The following FAM228A variants were observed in gnomAD, a reference collection of about 807,000 sequenced individuals.
FAM228A encodes the protein family with sequence similarity 228 member A.
In FAM228A, 13 loss-of-function variants were observed where a neutral mutation model predicts 18.6. The observed-to-expected ratio is 0.70, with a 90% CI of 0.45 to 1.11. FAM228A has a LOEUF of 1.11. Among genes scored for constraint, FAM228A ranks in the 50% least tolerant of loss-of-function variants. The pLI is 0.00. For synonymous variants in FAM228A, 77 were observed against 86.6 expected, an observed-to-expected ratio of 0.89 and a Z score of 0.61; for missense variants, 240 against 242.2, an observed-to-expected ratio of 0.99 and a Z score of 0.06.
At chr2:24,177,099 T>C (rs886387733) in intron 2 of FAM228A, among the ~76,000 whole-genome samples, 1 of 152,216 alleles carries the variant, frequency 6.6e-6, no homozygotes, top group African/African-American at 2.4e-5. Context: ...GGTTTTTGAC[T>C]TATGAAGAGA....
rs577851822 is a variant in FAM228A, at chr2:24,175,408, G to C, written c.-14-59G>C. 2.4e-6 allele frequency: 3 copies of C among 1,244,510 alleles called. No individual in the cohort carries two copies. The Admixed American group carries it at 5.1e-5, about 21-fold the overall frequency. 77.1% of individuals were successfully genotyped at this position (1,244,510 alleles called of 1,614,324 possible). ...GATTTGAACACTCCCTGAGCCCAAA[G>C]GCCTGGCTCTCAACGGTAACCGTCT... On this transcript the variant is annotated intron_variant, in intron 1 of 5. Transcript: ENST00000295150.
At chr2:24,189,925 G>T (rs1372728474) in intron 5 of FAM228A, among the ~76,000 whole-genome samples, 1 of 152,072 alleles carries the variant, frequency 6.6e-6, no homozygotes, top group African/African-American at 2.4e-5. Flanking sequence ...CGGACTGGGA[G>T]GCTGGAGCCA....
At position 24,190,989 on chromosome 2, in the gene FAM228A, TCTC is replaced by T. The variant is rs1281149468; in HGVS notation, c.*361_*363del. ...ATCCAAACTGCACCAAAGATGGTGT[TCTC>T]CTTAGTCCACACACAACTGGTGGGA... On this transcript the variant is annotated 3_prime_UTR_variant, in exon 6 of 6. Coordinates refer to ENST00000295150, the MANE Select transcript of FAM228A (RefSeq NM_001040710.3). 3 of 1,029,312 alleles carry T rather than the reference TCTC, an allele frequency of 2.9e-6. No homozygotes were observed. The highest frequency in any genetic ancestry group is 1.7e-5 in the African/African-American group (1 of 59,014). The allele number at this position is 1,029,312 out of a possible 1,614,324, so 63.8% of individuals were successfully genotyped here.
rs187633299 is a variant in FAM228A, at chr2:24,184,283, G to C, written c.401+638G>C. Among the ~76,000 whole-genome samples the C allele has an allele frequency of 3.7e-4, 56 of 152,030 alleles. 1 individual carries two copies. Among genetic ancestry groups the C allele is most frequent in the African/African-American group, 1.3e-3 (55 of 41,444 alleles). On this transcript the variant is annotated intron_variant, in intron 5 of 5. Coordinates refer to ENST00000295150, the MANE Select transcript of FAM228A (RefSeq NM_001040710.3). ...TAATCCCAGCTACTCGGGAGACTGA[G>C]GCAGGAGAATCGCTTGAACTCGGGA...
At chr2:24,175,393 C>A in intron 1 of FAM228A, 74 bp from the exon 2 acceptor site, 1 of 1,070,442 alleles carries the variant, frequency 9.3e-7, no homozygotes, top group Non-Finnish European at 1.4e-6. Context: ...GATTTGAACA[C>A]TCCCTGAGCC....
At chr2:24,184,272 C>T (rs577153131) in intron 5 of FAM228A, among the ~76,000 whole-genome samples, 1 of 151,604 alleles carries the variant, frequency 6.6e-6, no homozygotes, top group East Asian at 1.9e-4. Context: ...CCCAGCTACT[C>T]GGGAGACTGA....
chr2:24,180,738 C>T (rs1424242382), intron 3 of FAM228A, among the ~76,000 whole-genome samples: 2 of 152,148 alleles, frequency 1.3e-5, no homozygotes, highest in African/African-American at 2.4e-5. Flanking sequence ...ATCTCTCAGG[C>T]AAGAGAGGCT....
intron 2 of FAM228A, chr2:24,175,991 G>A (rs1040412988): frequency 1.0e-6 from 1 of 1,002,918 alleles, no homozygotes; most frequent in Non-Finnish European, 1.2e-6. Flanking sequence ...AGTGGCGGTC[G>A]GAGCAGTGAG....
At chr2:24,175,943 A>T in intron 2 of FAM228A, 1 of 1,015,844 alleles carries the variant, frequency 9.8e-7, no homozygotes, top group Non-Finnish European at 1.2e-6. Flanking sequence ...GCTGTGAAAA[A>T]CTCTTGGAAA....
At chr2:24,188,001 G>A (rs1003374032) in intron 5 of FAM228A, among the ~76,000 whole-genome samples, 1 of 151,930 alleles carries the variant, frequency 6.6e-6, no homozygotes, top group Non-Finnish European at 1.5e-5. Context: ...GTTCTAGGAA[G>A]TTTTCAGTTA....
chr2:24,176,143 C>T, intron 2 of FAM228A: 1 of 984,504 alleles, frequency 1.0e-6, no homozygotes, highest in Non-Finnish European at 1.2e-6. Flanking sequence ...TTTCTTTAAA[C>T]AAAGATTATT....
intron 3 of FAM228A, chr2:24,179,196 C>A: frequency 8.9e-7 from 1 of 1,128,326 alleles, no homozygotes; most frequent in Non-Finnish European, 1.1e-6. Flanking sequence ...GAAAATGTTG[C>A]AGAGCCTCTT....
At chr2:24,183,737 T>C in intron 5 of FAM228A, 92 bp downstream of exon 5, 1 of 1,050,562 alleles carries the variant, frequency 9.5e-7, no homozygotes, top group Non-Finnish European at 1.4e-6. Flanking sequence ...ACTTTTGTCT[T>C]TTAGTAGTTT....
chr2:24,188,700 T>A, intron 5 of FAM228A: 1 of 964,110 alleles, frequency 1.0e-6, no homozygotes, highest in Non-Finnish European at 1.2e-6. Context: ...GAGTTGGAGA[T>A]TGTCAACTCA....
At chr2:24,181,242 A>G (rs893754235) in intron 3 of FAM228A, among the ~76,000 whole-genome samples, 2 of 152,234 alleles carry the variant, frequency 1.3e-5, no homozygotes, top group Admixed American at 1.3e-4. Flanking sequence ...TATAAAAATG[A>G]AATGCAGTAT....
Position 24,190,615 on chromosome 2 carries a change from T to C in FAM228A, c.605T>C (p.Ile202Thr), listed in dbSNP as rs1473463592. ...CTTTGCAGCACCCACGAGCAGCACA[T>C]ACTGGTTCCAGAATGAGCCACCGCC... ...AGLCSTHEQH[I>T]LVPE Residue 202 changes from isoleucine (I) to threonine (T), a missense_variant, in exon 6 of 6, where the codon ATA becomes ACA. Coordinates refer to ENST00000295150, the MANE Select transcript of FAM228A (RefSeq NM_001040710.3). The C allele has an allele frequency of 1.9e-6, 3 of 1,557,708 alleles. No homozygotes were observed. The highest frequency in any genetic ancestry group is 4.1e-5 in the Admixed American group (2 of 49,362).
intron 5 of FAM228A, chr2:24,188,720 G>T: frequency 1.1e-6 from 1 of 894,166 alleles, no homozygotes; most frequent in Non-Finnish European, 1.3e-6. Flanking sequence ...ATTCCTGAAG[G>T]CTCTCGCCTC....
At chr2:24,183,765 A>G in intron 5 of FAM228A, 120 bp downstream of exon 5, 1 of 795,724 alleles carries the variant, frequency 1.3e-6, no homozygotes, top group Non-Finnish European at 2.0e-6. Context: ...TATTATTATT[A>G]TCATCACCTT....
intron 2 of FAM228A, 55 bp downstream of exon 2, chr2:24,175,628 T>C: frequency 1.5e-6 from 2 of 1,300,848 alleles, no homozygotes; most frequent in Non-Finnish European, 2.2e-6. Context: ...CCCTCGAGTT[T>C]GGGAACTGTT....
Sources: allele counts gnomAD v4.1 joint callset (sites outside exome capture counted in the v4.1 genomes callset), GRCh38; gene constraint gnomAD v4.1.1; transcripts MANE v1.5; gene names NCBI Gene and HGNC (gene_info 2026-07-23, HGNC 2026-07-21).